The following CSMD1 variants were observed in gnomAD, a reference collection of about 807,000 sequenced individuals.
CSMD1 encodes the protein CUB and Sushi multiple domains 1.
In CSMD1, 213 loss-of-function variants were observed where a neutral mutation model predicts 417.5. That is an observed-to-expected ratio of 0.51 (90% CI 0.46 to 0.57). The LOEUF is 0.57. Among genes scored for constraint, CSMD1 ranks in the 20% least tolerant of loss-of-function variants. The pLI is 0.00. For missense variants in CSMD1, 6,923 were observed against 4,529.7 expected (o/e 1.53, Z -15.17); for synonymous variants, 2,862 against 1,736.8 (o/e 1.65, Z -16.11).
chr8:4,454,176 T>A (rs746857716), intron 2 of CSMD1, among the ~76,000 whole-genome samples: 5 of 151,982 alleles, frequency 3.3e-5, no homozygotes, highest in Non-Finnish European at 5.9e-5. Context: ...CTATTATCAG[T>A]TCCTACCCCA....
At chr8:4,303,945 G>C (rs556803752) in intron 3 of CSMD1, among the ~76,000 whole-genome samples, 2 of 152,128 alleles carry the variant, frequency 1.3e-5, no homozygotes, top group South Asian at 2.1e-4. Context: ...ATAAGCTCCA[G>C]CTGCCACTTT....
intron 7 of CSMD1, among the ~76,000 whole-genome samples, chr8:3,666,108 C>G (rs1345866220): frequency 6.6e-6 from 1 of 152,190 alleles, no homozygotes; most frequent in African/African-American, 2.4e-5. Flanking sequence ...GTTGGCCAGG[C>G]TGGTCTTGAA....
rs937901784 is a variant in CSMD1, at chr8:3,284,373, C to T, written c.3951-27G>A. 5.1e-6 allele frequency: 8 copies of T among 1,573,184 alleles called. No individual in the cohort carries two copies. The African/African-American group carries it at 6.8e-5, about 13-fold the overall frequency. On this transcript the variant is annotated intron_variant, in intron 25 of 69. Transcript: ENST00000635120. ...TGCAAGAGAGAACACAGTAGCGCTA[C>T]TTGCCGTGCATCGAGCATGTCCTGA...
At chr8:4,521,914 G>A (rs1254151448) in intron 2 of CSMD1, among the ~76,000 whole-genome samples, 1 of 152,212 alleles carries the variant, frequency 6.6e-6, no homozygotes, top group African/African-American at 2.4e-5. Context: ...GGCACACCAT[G>A]AGAAGATGTG....
chr8:4,288,560 G>C (rs1048923782), intron 3 of CSMD1, among the ~76,000 whole-genome samples: 1 of 152,200 alleles, frequency 6.6e-6, no homozygotes, highest in Non-Finnish European at 1.5e-5. Context: ...GTCCTTCTAA[G>C]TGAATGGATG....
At position 4,192,827 on chromosome 8, in the gene CSMD1, C is replaced by T. The variant is rs75445257; in HGVS notation, c.416-160728G>A. On this transcript the variant is annotated intron_variant, in intron 3 of 69. Coordinates refer to ENST00000635120, the MANE Select transcript of CSMD1 (RefSeq NM_033225.6). ...CTCCTCACTCATTACTTGTGGTAAA[C>T]GCTATTAAGCCCAAGATCACTCATG... Among the ~76,000 whole-genome samples the T allele has an allele frequency of 7.5e-3, 1,137 of 152,260 alleles. 14 individuals are homozygous for T. Among genetic ancestry groups the T allele is most frequent in the African/African-American group, 0.026 (1,086 of 41,542 alleles).
chr8:4,553,903 A>T (rs188253059), intron 2 of CSMD1, among the ~76,000 whole-genome samples: 2 of 152,278 alleles, frequency 1.3e-5, no homozygotes, highest in African/African-American at 2.4e-5. Flanking sequence ...AGCACAAAAA[A>T]TCTGATGACT....
intron 2 of CSMD1, among the ~76,000 whole-genome samples, chr8:4,633,015 G>T (rs942650835): frequency 1.3e-5 from 2 of 152,048 alleles, no homozygotes; most frequent in African/African-American, 2.4e-5. Context: ...TGAATTTCAG[G>T]GTCATGGGTA....
intron 3 of CSMD1, among the ~76,000 whole-genome samples, chr8:4,411,869 T>A (rs1188618410): frequency 6.6e-6 from 1 of 152,194 alleles, no homozygotes; most frequent in Non-Finnish European, 1.5e-5. Flanking sequence ...TGCATTTTTT[T>A]TCACTTTAAT....
intron 28 of CSMD1, among the ~76,000 whole-genome samples, chr8:3,222,790 A>C (rs2116866809): frequency 6.6e-6 from 1 of 152,322 alleles, no homozygotes; most frequent in South Asian, 2.1e-4. Flanking sequence ...CAGTTTAGTA[A>C]ATTCAGGAAA....
chr8:4,198,831 C>T (rs1585007548), intron 3 of CSMD1, among the ~76,000 whole-genome samples: 1 of 152,176 alleles, frequency 6.6e-6, no homozygotes, highest in East Asian at 1.9e-4. Context: ...AGTTAAAGTA[C>T]CATCTCAGGA....
At chr8:2,959,222 G>A (rs1324849744) in intron 62 of CSMD1, among the ~76,000 whole-genome samples, 1 of 152,190 alleles carries the variant, frequency 6.6e-6, no homozygotes, top group African/African-American at 2.4e-5. Context: ...TCCCATCTCA[G>A]CCTTCTGCAC....
At chr8:3,893,049 C>G (rs1333219717) in intron 5 of CSMD1, among the ~76,000 whole-genome samples, 1 of 151,434 alleles carries the variant, frequency 6.6e-6, no homozygotes, top group South Asian at 2.1e-4. Flanking sequence ...ATGGATTAAA[C>G]AAGTTTGACC....
At chr8:2,966,446 TTTCCCTTTTTTCCTCTATGAATTAAAA>T in intron 58 of CSMD1, 97 bp downstream of exon 58, 1 of 851,884 alleles carries the variant, frequency 1.2e-6, no homozygotes, top group Non-Finnish European at 1.8e-6. Flanking sequence ...CACACATAGT[TTTCCCTTTTTTCCTCTATGAATTAAAA>T]ATAAAAAAAC....
chr8:4,698,492 G>A (rs909370297), intron 1 of CSMD1, among the ~76,000 whole-genome samples: 1 of 152,126 alleles, frequency 6.6e-6, no homozygotes, highest in African/African-American at 2.4e-5. Flanking sequence ...TAGAAAACCA[G>A]CTCAGGTGTG....
rs190271766 is a variant in CSMD1, at chr8:4,947,957, T to C, written c.85+46375A>G. Among the ~76,000 whole-genome samples, 371 of 152,216 alleles carry C rather than the reference T, an allele frequency of 2.4e-3. 1 individual carries two copies. The highest frequency in any genetic ancestry group is 0.014 in the Middle Eastern group (4 of 294). On this transcript the variant is annotated intron_variant, in intron 1 of 69. Coordinates refer to ENST00000635120, the MANE Select transcript of CSMD1 (RefSeq NM_033225.6). Reference sequence around the variant, plus strand: ...CTTTGTGCGTTTATTCCTATTGTTTTCTTTTTTTAAGATATCCATAAAAAA... The same window carrying C: ...CTTTGTGCGTTTATTCCTATTGTTTCCTTTTTTTAAGATATCCATAAAAAA...
chr8:3,076,434 G>C (rs1271393908), intron 49 of CSMD1, among the ~76,000 whole-genome samples: 1 of 75,792 alleles, frequency 1.3e-5, no homozygotes, highest in Admixed American at 1.1e-4. Flanking sequence ...GGTACTGGCA[G>C]TTAGGACTCT....
intron 5 of CSMD1, among the ~76,000 whole-genome samples, chr8:3,809,340 T>A (rs1022409600): frequency 6.6e-6 from 1 of 152,206 alleles, no homozygotes; most frequent in African/African-American, 2.4e-5. Context: ...TCGATAAATA[T>A]TTGTTTACGC....
intron 25 of CSMD1, among the ~76,000 whole-genome samples, chr8:3,302,930 T>C (rs1804530224): frequency 6.6e-6 from 1 of 152,152 alleles, no homozygotes; most frequent in African/African-American, 2.4e-5. Flanking sequence ...CAGGCTCTCC[T>C]ACATGTCTGG....
Sources: allele counts gnomAD v4.1 joint callset (sites outside exome capture counted in the v4.1 genomes callset), GRCh38; gene constraint gnomAD v4.1.1; transcripts MANE v1.5; gene names NCBI Gene and HGNC (gene_info 2026-07-23, HGNC 2026-07-21).